TTN: variants seen among roughly 807,000 people sequenced by gnomAD.
The protein encoded by TTN is titin.
TTN carries 1,525 observed loss-of-function variants against 3,223.0 expected under a neutral mutation model. That is an observed-to-expected ratio of 0.47 (90% CI 0.45 to 0.49). The LOEUF (loss-of-function observed/expected upper bound fraction) is 0.49, where lower values mean the gene tolerates loss of function less well. Among genes scored for constraint, TTN ranks in the 20% least tolerant of loss-of-function variants. The pLI, the probability that TTN is intolerant of heterozygous loss-of-function variation, is 0.00. For synonymous variants in TTN, 14,094 were observed against 15,161.0 expected (o/e 0.93, Z 5.17); for missense variants, 40,786 against 43,424.0 (o/e 0.94, Z 5.40).
chr2:178,719,095 G>C, intron 83 of TTN, 69 bp downstream of exon 83: 2 of 1,542,426 alleles, frequency 1.3e-6, no homozygotes, highest in Non-Finnish European at 1.7e-6. Context: ...GAAACTCCAG[G>C]GAAGGCAGGC....
chr2:178,610,511 C>T, intron 270 of TTN, 122 bp from the exon 271 acceptor site: 1 of 1,022,930 alleles, frequency 9.8e-7, no homozygotes, highest in Non-Finnish European at 1.4e-6. Flanking sequence ...GCTGGAGTGT[C>T]ATTCACACTG....
chr2:178,698,771 T>A, intron 112 of TTN, 72 bp downstream of exon 112: 1 of 1,391,462 alleles, frequency 7.2e-7, no homozygotes, highest in Non-Finnish European at 9.8e-7. Flanking sequence ...TCCTTCACCC[T>A]CCACTGTTTA....
At position 178,704,242 on chromosome 2, in the gene TTN, T is replaced by C; in HGVS notation, c.30128A>G (p.His10043Arg). The C allele has an allele frequency of 1.9e-6, 3 of 1,614,088 alleles. No homozygotes were observed. The highest frequency in any genetic ancestry group is 2.5e-6 in the Non-Finnish European group (3 of 1,179,892). ...TCGAACATCTGCAATGGTCAATTTA[T>C]GGACTTTGTGTTCCACTTCTGTTTT... ...RHKTEVEHKVHKLTIADVRAE... is the reference protein window; with the variant it reads ...RHKTEVEHKVRKLTIADVRAE... Residue 10043 changes from histidine to arginine, a missense_variant, in exon 106 of 363, where the codon CAT becomes CGT. Physicochemically the swap from His to Arg is conservative, Grantham distance 29. Transcript: ENST00000589042.
chr2:178,587,283 T>G lies in TTN; in HGVS notation c.63928A>C (p.Arg21310=). 6.2e-7 allele frequency: 1 copy of G among 1,613,206 alleles called. No individual in the cohort carries two copies. Among genetic ancestry groups the G allele is most frequent in the South Asian group, 1.1e-5 (1 of 91,072 alleles). The change falls in exon 307 of 363, where the codon AGA becomes CGA. Residue 21310 remains arginine, a synonymous_variant. Transcript: ENST00000589042. ...HYIVEKREAD[R]KTWSTVTPEV... ...GGGGTAACGGTCGACCATGTCTTTCTGTCTGCCTCACGTTTCTCCACGATA... is the reference window on the plus strand; with the variant it reads ...GGGGTAACGGTCGACCATGTCTTTCGGTCTGCCTCACGTTTCTCCACGATA...
chr2:178,650,742 C>T lies in TTN; in HGVS notation c.39709+9G>A. On this transcript the variant is annotated intron_variant, in intron 209 of 362. Coordinates refer to ENST00000589042, the MANE Select transcript of TTN (RefSeq NM_001267550.2). ...TGGCAAGGTCATTAATCACCGGTCT[C>T]ACGTGTACCTTCTGGGGGAGGAGAC... 1.3e-6 allele frequency: 2 copies of T among 1,596,930 alleles called. No individual in the cohort carries two copies. Among genetic ancestry groups the T allele is most frequent in the Non-Finnish European group, 1.7e-6 (2 of 1,170,846 alleles).
In TTN at chr2:178,635,427, TA is replaced by T; in HGVS notation, c.41884+12del. On this transcript the variant is annotated intron_variant, in intron 227 of 362. Transcript: ENST00000589042. ...CAAAACTTATAATTTGAATAAAAGG[TA>T]AGATTTTATACCTCCAAGTGTCAGC... is the stretch of plus-strand genomic sequence containing the variant. 6.2e-7 allele frequency: 1 copy of T among 1,602,976 alleles called. No homozygotes were observed.
chr2:178,533,747 T>G lies in TTN; in HGVS notation c.102868A>C (p.Thr34290Pro). 2 of 1,613,992 alleles carry G rather than the reference T, an allele frequency of 1.2e-6. No homozygotes were observed. The highest frequency in any genetic ancestry group is 8.5e-7 in the Non-Finnish European group (1 of 1,179,876). Residue 34290 changes from threonine (T) to proline (P), a missense_variant, in exon 358 of 363, where the codon ACA becomes CCA. Coordinates refer to ENST00000589042, the MANE Select transcript of TTN (RefSeq NM_001267550.2). ...ATTTTCTGACCTGATTTATACCATGTTACATGAGGCTCTGGGTGGACAGTT... is the reference window on the plus strand; with the variant it reads ...ATTTTCTGACCTGATTTATACCATGGTACATGAGGCTCTGGGTGGACAGTT... Reference protein sequence around the residue: ...TITVHPEPHVTWYKSGQKIKP... With the variant: ...TITVHPEPHVPWYKSGQKIKP...
rs770730954 is a variant in TTN, at chr2:178,530,825, C to T, written c.105790G>A (p.Val35264Ile). 2.7e-5 allele frequency: 43 copies of T among 1,613,524 alleles called. No homozygotes were observed. The highest frequency in any genetic ancestry group is 1.7e-4 in the Admixed American group (10 of 59,950). ...KSPEPSHPKA[V>I]SPTETKPTPT... ...GTTGGTTTTGTCTCTGTGGGTGATA[C>T]GGCTTTCGGGTGAGAAGGTTCTGGA... Residue 35264 changes from valine to isoleucine, a missense_variant, in exon 358 of 363, where the codon GTA becomes ATA. Transcript: ENST00000589042.
At chr2:178,710,532 T>A in intron 98 of TTN, 103 bp downstream of exon 98, 2 of 1,361,454 alleles carry the variant, frequency 1.5e-6, no homozygotes, top group Admixed American at 4.6e-5. Flanking sequence ...TTCATTTGTT[T>A]AAAAATGTCC....
chr2:178,618,171 T>G lies in TTN; in HGVS notation c.47269+18A>C, dbSNP rs371778857. The stretch of plus-strand genomic sequence containing the variant: ...AATTTACTTAAAAGCTAACTTGAAT[T>G]TACTTAAAACTTCTTACCATATTTA... On this transcript the variant is annotated intron_variant, in intron 252 of 362. Transcript: ENST00000589042. 3.7e-6 allele frequency: 6 copies of G among 1,610,366 alleles called. No individual in the cohort carries two copies. The African/African-American group carries it at 8.0e-5, about 22-fold the overall frequency.
At chr2:178,701,066 G>A (rs1356912541) in intron 111 of TTN, 54 bp downstream of exon 111, 4 of 1,546,512 alleles carry the variant, frequency 2.6e-6, no homozygotes, top group Admixed American at 1.8e-5. Flanking sequence ...AACATTTTTC[G>A]GGTCAGCAGA....
At position 178,535,305 on chromosome 2, in the gene TTN, C is replaced by T; in HGVS notation, c.101310G>A (p.Leu33770=). The part of the protein sequence containing the change: ...FRVIAENKFG[L]SKPSEPSEPT... ...GTTCTGAAGGCTCTGAAGGCTTGCT[C>T]AGACCAAATTTATTTTCAGCTATTA... The change falls in exon 358 of 363, where the codon CTG becomes CTA. Residue 33770 remains leucine, a synonymous_variant. Coordinates refer to ENST00000589042, the MANE Select transcript of TTN (RefSeq NM_001267550.2). 6.2e-7 allele frequency: 1 copy of T among 1,613,902 alleles called. No homozygotes were observed. Among genetic ancestry groups the T allele is most frequent in the Non-Finnish European group, 8.5e-7 (1 of 1,179,842 alleles).
rs1178244629 is a variant in TTN at position 178,636,497 on chromosome 2, G to A, written c.41230C>T (p.His13744Tyr). Residue 13744 changes from histidine (H) to tyrosine (Y), a missense_variant, in exon 225 of 363, where the codon CAC becomes TAC. His to Tyr is a moderately conservative substitution (Grantham distance 83). Coordinates refer to ENST00000589042, the MANE Select transcript of TTN (RefSeq NM_001267550.2). The surrounding 1 kb of genome is among the most constrained non-coding windows in gnomAD (Gnocchi z 4.3). ...FIADGKDRKL[H>Y]IIDVQLSDAG... ...TCGGAAAGTTGAACATCAATGATGT[G>A]CAGCTTTCTGTCTTTACCATCTGCA... 3 of 1,613,386 alleles carry A rather than the reference G, an allele frequency of 1.9e-6. No individual in the cohort carries two copies. The highest frequency in any genetic ancestry group is 2.5e-6 in the Non-Finnish European group (3 of 1,179,536).
Position 178,684,768 on chromosome 2 carries a change from A to G in TTN, c.32555-19T>C. ...TCTGGCACTTAAAAGATACCAGGCA[A>G]TACCATCAAACATACGATATGGAAA... On this transcript the variant is annotated intron_variant, in intron 130 of 362. Coordinates refer to ENST00000589042, the MANE Select transcript of TTN (RefSeq NM_001267550.2). 1 of 1,609,182 alleles carries G rather than the reference A, an allele frequency of 6.2e-7. No individual in the cohort carries two copies. The highest frequency in any genetic ancestry group is 8.5e-7 in the Non-Finnish European group (1 of 1,177,680).
intron 282 of TTN, among the ~76,000 whole-genome samples, chr2:178,602,923 C>T (rs556777949): frequency 6.6e-6 from 1 of 152,050 alleles, no homozygotes; most frequent in South Asian, 2.1e-4. Context: ...ATAGCCTTTA[C>T]TGAAAACATG....
At position 178,711,359 on chromosome 2, in the gene TTN, C is replaced by G. The variant is rs995921623; in HGVS notation, c.27887-10G>C. On this transcript the variant is annotated splice_polypyrimidine_tract_variant and intron_variant, in intron 96 of 362. Transcript: ENST00000589042. ...GGTGGAAGTTTTTGCTCTGTAGGAA[C>G]AGAATAAAAGTAACAAATACTTTAA... 3.2e-6 allele frequency: 5 copies of G among 1,584,072 alleles called. No homozygotes were observed. The African/African-American group carries it at 6.8e-5, about 21-fold the overall frequency.
rs1458124138 is a variant in TTN, at chr2:178,780,131, G to A, written c.3598C>T (p.Pro1200Ser). The change falls in exon 22 of 363, where the codon CCT becomes TCT. Residue 1200 changes from proline (P) to serine (S), a missense_variant. Coordinates refer to ENST00000589042, the MANE Select transcript of TTN (RefSeq NM_001267550.2). The stretch of plus-strand genomic sequence containing the variant: ...CCAGGTGCTGTTTCTCCAACTTTAG[G>A]TTCTTGAACAAATGCAGTCACTTGT... ...QTQVTAFVQE[P>S]KVGETAPGFV... is the part of the protein sequence containing the mutation. 3 of 1,613,504 alleles carry A rather than the reference G, an allele frequency of 1.9e-6. No individual in the cohort carries two copies. The African/African-American group carries it at 4.0e-5, about 22-fold the overall frequency.
intron 16 of TTN, 88 bp from the exon 17 acceptor site, chr2:178,783,873 T>C: frequency 1.0e-6 from 1 of 999,026 alleles, no homozygotes; most frequent in Admixed American, 3.6e-5. Context: ...TATATAATTA[T>C]AAAAATATAA....
At position 178,702,616 on chromosome 2, in the gene TTN, C is replaced by CA; in HGVS notation, c.30270dup (p.Glu10091Ter). 6.2e-7 allele frequency: 1 copy of CA among 1,614,024 alleles called. No individual in the cohort carries two copies. The highest frequency in any genetic ancestry group is 1.1e-5 in the South Asian group (1 of 91,078). ...CACTCAAAGGTGGCAGACTGATGCT[C>CA]ACTCACCACGATGTTCTGTATGCGC... On this transcript the variant is annotated frameshift_variant, in exon 107 of 363. Coordinates refer to ENST00000589042, the MANE Select transcript of TTN (RefSeq NM_001267550.2). LOFTEE classifies it high-confidence loss of function.
Sources: allele counts gnomAD v4.1 joint callset (sites outside exome capture counted in the v4.1 genomes callset), GRCh38; gene constraint gnomAD v4.1.1; non-coding constraint Gnocchi (gnomAD v3.1); transcripts MANE v1.5; gene names NCBI Gene and HGNC (gene_info 2026-07-23, HGNC 2026-07-21).